Variants in QNG1 observed in about 807,000 individuals in gnomAD.
QNG1 encodes queuosine 5'-phosphate N-glycosylase/hydrolase.
the QNG1 span, among the ~76,000 whole-genome samples, chr9:83,946,164 G>A: frequency 6.6e-6 from 1 of 151,912 alleles, no homozygotes; most frequent in Admixed American, 6.6e-5. Context: ...AATTAGCTGG[G>A]TGTGGTGGCG....
chr9:83,940,054 C>G, the QNG1 span, among the ~76,000 whole-genome samples: 1 of 152,082 alleles, frequency 6.6e-6, no homozygotes, highest in Non-Finnish European at 1.5e-5. Context: ...AAATTTAAAA[C>G]TATGACTGCT....
the QNG1 span, among the ~76,000 whole-genome samples, chr9:83,946,663 G>T: frequency 6.6e-6 from 1 of 152,282 alleles, no homozygotes; most frequent in South Asian, 2.1e-4. Flanking sequence ...AAAGCCAGAG[G>T]ATTGTTTGAA....
the QNG1 span, chr9:83,938,546 GA>G: frequency 2.5e-4 from 38 of 151,548 alleles, no homozygotes; most frequent in Non-Finnish European, 4.1e-4. Context: ...CACACCTCAA[GA>G]AAATATATCA....
the QNG1 span, chr9:83,956,537 G>A: frequency 1.3e-6 from 2 of 1,502,084 alleles, no homozygotes; most frequent in African/African-American, 2.8e-5. Flanking sequence ...AACTCTTCCC[G>A]CCCTAGGCGG....
chr9:83,949,872 T>C, the QNG1 span, among the ~76,000 whole-genome samples: 1 of 151,656 alleles, frequency 6.6e-6, no homozygotes, highest in Non-Finnish European at 1.5e-5. Flanking sequence ...ATAAAATCAG[T>C]GCTAGCATCT....
chr9:83,939,026 C>G, the QNG1 span: 2 of 170,268 alleles, frequency 1.2e-5, no homozygotes, highest in African/African-American at 4.8e-5. Flanking sequence ...TAAGATTATA[C>G]ATATGAGCCA....
At chr9:83,939,749 A>G in the QNG1 span, 1 of 1,604,658 alleles carries the variant, frequency 6.2e-7, no homozygotes, top group Non-Finnish European at 8.5e-7. Flanking sequence ...TTCTCCTGCA[A>G]GGGGGAAAAG....
chr9:83,943,297 GC>G, the QNG1 span, among the ~76,000 whole-genome samples: 2 of 128,994 alleles, frequency 1.6e-5, no homozygotes, highest in African/African-American at 5.9e-5. Flanking sequence ...CCGAGATCAC[GC>G]CACCACACTC....
the QNG1 span, among the ~76,000 whole-genome samples, chr9:83,946,989 T>C: frequency 6.6e-6 from 1 of 152,022 alleles, no homozygotes; most frequent in Admixed American, 6.6e-5. Context: ...GGGGTTTGCT[T>C]GAGCCTGTGA....
chr9:83,953,151 C>A, the QNG1 span, among the ~76,000 whole-genome samples: 121 of 151,950 alleles, frequency 8.0e-4, no homozygotes, highest in African/African-American at 2.7e-3. Context: ...GCCTGTAATC[C>A]CAGCTACTTG....
the QNG1 span, chr9:83,953,978 T>G: frequency 1.7e-6 from 1 of 600,622 alleles, no homozygotes; most frequent in Non-Finnish European, 3.0e-6. Context: ...CACTGCAGCC[T>G]CCACCTCTCG....
the QNG1 span, among the ~76,000 whole-genome samples, chr9:83,946,678 G>A: frequency 6.6e-6 from 1 of 152,200 alleles, no homozygotes; most frequent in African/African-American, 2.4e-5. Flanking sequence ...TTTGAAGCCA[G>A]AAGTTCAAGA....
the QNG1 span, among the ~76,000 whole-genome samples, chr9:83,943,812 G>A: frequency 6.7e-6 from 1 of 148,970 alleles, no homozygotes. Context: ...ACAAGGTCAG[G>A]AGATCGAGAC....
the QNG1 span, among the ~76,000 whole-genome samples, chr9:83,940,302 G>A: frequency 6.6e-6 from 1 of 152,038 alleles, no homozygotes; most frequent in Non-Finnish European, 1.5e-5. Flanking sequence ...CTACTCAGGA[G>A]TAGTAGTCCC....
At chr9:83,945,516 A>G in the QNG1 span, among the ~76,000 whole-genome samples, 2 of 152,142 alleles carry the variant, frequency 1.3e-5, no homozygotes, top group Non-Finnish European at 2.9e-5. Context: ...ATAAAATACA[A>G]TTTATGTAAT....
At chr9:83,939,784 G>T in the QNG1 span, 3 of 1,355,146 alleles carry the variant, frequency 2.2e-6, no homozygotes, top group Non-Finnish European at 3.2e-6. Context: ...AATAGTCAAT[G>T]ATACATAATC....
chr9:83,953,328 C>G, the QNG1 span, among the ~76,000 whole-genome samples: 105,641 of 151,828 alleles, frequency 0.7, 37,524 homozygotes, highest in African/African-American at 0.81. Flanking sequence ...TGTGAGAACA[C>G]ACTAATACAA....
the QNG1 span, among the ~76,000 whole-genome samples, chr9:83,947,703 TG>T: frequency 6.6e-6 from 1 of 152,170 alleles, no homozygotes; most frequent in Non-Finnish European, 1.5e-5. Flanking sequence ...TTGGTGGAGA[TG>T]GGGTTTCGCC....
chr9:83,939,318 C>T, the QNG1 span: 1,307 of 528,082 alleles, frequency 2.5e-3, 12 homozygotes, highest in African/African-American at 0.021. Flanking sequence ...ATGATCCACC[C>T]GCCTCAGCCT....
Sources: allele counts gnomAD v4.1 joint callset (sites outside exome capture counted in the v4.1 genomes callset), GRCh38; gene constraint gnomAD v4.1.1; transcripts MANE v1.5; gene names NCBI Gene and HGNC (gene_info 2026-07-23, HGNC 2026-07-21).